The following METAP1D variants were observed in gnomAD, a reference collection of about 807,000 sequenced individuals.
METAP1D encodes the protein methionine aminopeptidase 1D, mitochondrial.
METAP1D carries 31 observed loss-of-function variants against 40.5 expected under a neutral mutation model. The observed-to-expected ratio is 0.77, with a 90% CI of 0.58 to 1.03. The LOEUF is 1.03. Ranked by LOEUF, METAP1D falls within the 50% of genes least tolerant of loss-of-function variation. METAP1D has a pLI of 0.00. For synonymous variants in METAP1D, 151 were observed against 146.4 expected, an observed-to-expected ratio of 1.03 and a Z score of -0.22; for missense variants, 411 against 420.7, an observed-to-expected ratio of 0.98 and a Z score of 0.20.
At chr2:172,045,819 GTATATATATATA>G (rs796640775) in intron 1 of METAP1D, among the ~76,000 whole-genome samples, 26 of 15,176 alleles carry the variant, frequency 1.7e-3, no homozygotes, top group South Asian at 8.6e-3. Flanking sequence ...GTGTGTGTGT[GTATATATATATA>G]TATATATATA....
chr2:172,064,124 G>A (rs185032242), intron 3 of METAP1D: 85 of 312,864 alleles, frequency 2.7e-4, no homozygotes, highest in Admixed American at 1.3e-3. Flanking sequence ...TTTGGTCTCA[G>A]TCAACCTATC....
intron 6 of METAP1D, 82 bp downstream of exon 6, chr2:172,071,152 T>A (rs1283057595): frequency 3.0e-5 from 38 of 1,247,976 alleles, no homozygotes; most frequent in Admixed American, 1.3e-4. Context: ...GTTGATGACA[T>A]GTTTTATGAT....
chr2:172,019,533 TAGAG>T (rs1410718210), intron 1 of METAP1D, among the ~76,000 whole-genome samples: 2 of 151,714 alleles, frequency 1.3e-5, no homozygotes, highest in Admixed American at 6.6e-5. Flanking sequence ...CTGGGCAACA[TAGAG>T]AGACCCCTCT....
At position 172,042,427 on chromosome 2, in the gene METAP1D, A is replaced by G. The variant is rs1273483807; in HGVS notation, c.41-19071A>G. 3.5e-5 allele frequency among the ~76,000 whole-genome samples: 2 copies of G among 56,842 alleles called. 1 individual carries two copies. Among genetic ancestry groups the G allele is most frequent in the Non-Finnish European group, 7.0e-5 (2 of 28,426 alleles). The allele number at this position is 56,842 out of a possible 152,430, so 37.3% of individuals were successfully genotyped here. On this transcript the variant is annotated intron_variant, in intron 1 of 9. Coordinates refer to ENST00000315796, the MANE Select transcript of METAP1D (RefSeq NM_199227.3). ...CATATGTATGTGTACATGTGTACAT[A>G]TATACATATGTATGTGTACATGCGT...
At chr2:172,013,751 A>C (rs928518707) in intron 1 of METAP1D, among the ~76,000 whole-genome samples, 3 of 152,102 alleles carry the variant, frequency 2.0e-5, no homozygotes, top group African/African-American at 7.2e-5. Context: ...GCATTGGGAG[A>C]CACAGTCTGA....
At chr2:172,032,499 G>C (rs1343546510) in intron 1 of METAP1D, among the ~76,000 whole-genome samples, 1 of 152,228 alleles carries the variant, frequency 6.6e-6, no homozygotes, top group East Asian at 1.9e-4. Context: ...CTTGAAAACT[G>C]GTTAAGTAGA....
chr2:172,061,749 C>A, intron 2 of METAP1D, 94 bp downstream of exon 2: 1 of 1,166,778 alleles, frequency 8.6e-7, no homozygotes, highest in Non-Finnish European at 1.2e-6. Context: ...GATTTCTGAG[C>A]CATTTGGGTT....
intron 1 of METAP1D, among the ~76,000 whole-genome samples, chr2:172,012,417 A>G (rs530462054): frequency 3.9e-5 from 6 of 152,188 alleles, no homozygotes; most frequent in Non-Finnish European, 8.8e-5. Flanking sequence ...CGGGACAAAC[A>G]GCTAGATAGC....
intron 1 of METAP1D, among the ~76,000 whole-genome samples, chr2:172,016,652 A>T (rs1688874222): frequency 6.6e-6 from 1 of 151,784 alleles, no homozygotes; most frequent in African/African-American, 2.4e-5. Context: ...AAGAAAGAAA[A>T]ATATGAAAAT....
At chr2:172,070,471 G>A (rs888617834) in intron 5 of METAP1D, among the ~76,000 whole-genome samples, 9 of 152,078 alleles carry the variant, frequency 5.9e-5, no homozygotes, top group East Asian at 1.9e-4. Context: ...TGTAGAACTG[G>A]TAAATACAAA....
intron 1 of METAP1D, among the ~76,000 whole-genome samples, chr2:172,047,814 G>C (rs1197176023): frequency 6.6e-6 from 1 of 152,198 alleles, no homozygotes; most frequent in Non-Finnish European, 1.5e-5. Context: ...ATGCAAAGTA[G>C]AATCTTCCTA....
intron 1 of METAP1D, among the ~76,000 whole-genome samples, chr2:172,036,195 T>C (rs925366927): frequency 2.0e-5 from 3 of 149,896 alleles, no homozygotes; most frequent in South Asian, 4.3e-4. Context: ...CGGGTGCCTG[T>C]AGTCCCAGCT....
intron 1 of METAP1D, among the ~76,000 whole-genome samples, chr2:172,059,663 G>C (rs1690087692): frequency 6.6e-6 from 1 of 152,108 alleles, no homozygotes; most frequent in African/African-American, 2.4e-5. Context: ...TTTAGGTTTT[G>C]TGCTGTATAA....
chr2:172,002,295 T>C (rs1574081346), intron 1 of METAP1D, among the ~76,000 whole-genome samples: 1 of 152,148 alleles, frequency 6.6e-6, no homozygotes, highest in Admixed American at 6.6e-5. Flanking sequence ...TTTTTATATG[T>C]GTGTATATAT....
At chr2:172,021,396 T>A (rs1001368065) in intron 1 of METAP1D, among the ~76,000 whole-genome samples, 3 of 152,196 alleles carry the variant, frequency 2.0e-5, no homozygotes, top group Non-Finnish European at 4.4e-5. Flanking sequence ...TGTTTCATTG[T>A]AAAGAGTCTT....
intron 5 of METAP1D, among the ~76,000 whole-genome samples, chr2:172,067,392 A>G (rs1452080710): frequency 6.6e-6 from 1 of 152,164 alleles, no homozygotes; most frequent in Non-Finnish European, 1.5e-5. Flanking sequence ...CTTCATATCA[A>G]TCATATGAGG....
chr2:172,011,285 C>CT (rs367971854), intron 1 of METAP1D, among the ~76,000 whole-genome samples: 34,217 of 135,292 alleles, frequency 0.25, 4,929 homozygotes, highest in Middle Eastern at 0.37. Context: ...CTTTCTGTTT[C>CT]TTTTTTTTTT....
At chr2:172,079,359 C>T (rs375482700) in intron 8 of METAP1D, 97 bp downstream of exon 8, 2 of 1,080,422 alleles carry the variant, frequency 1.9e-6, no homozygotes, top group African/African-American at 3.1e-5. Flanking sequence ...CCAATAAAGC[C>T]AATCAGTGTA....
intron 5 of METAP1D, among the ~76,000 whole-genome samples, chr2:172,069,831 A>C (rs1690380799): frequency 6.6e-6 from 1 of 152,220 alleles, no homozygotes; most frequent in Non-Finnish European, 1.5e-5. Context: ...TTCCTGAATT[A>C]TAAACTGAAG....
Sources: gnomAD v4.1 joint callset for allele counts (sites outside exome capture counted in the v4.1 genomes callset) on GRCh38, gnomAD v4.1.1 for gene constraint, MANE v1.5 for transcripts, NCBI Gene and HGNC (gene_info 2026-07-23, HGNC 2026-07-21) for gene names.